Variants in TRDN observed in about 807,000 individuals in gnomAD.
The protein encoded by TRDN is triadin in skeletal muscle.
TRDN carries 161 observed loss-of-function variants against 149.7 expected under a neutral mutation model. The ratio of observed to expected loss-of-function variants is 1.08; its 90% CI spans 0.95 to 1.23. The LOEUF (loss-of-function observed/expected upper bound fraction) is 1.23, where lower values mean the gene tolerates loss of function less well. Ranked by LOEUF, TRDN falls within the 50% of genes most tolerant of loss-of-function variation. TRDN has a pLI of 0.00. For synonymous variants in TRDN, 294 were observed against 250.5 expected (o/e 1.17, Z -1.64); for missense variants, 896 against 823.5 (o/e 1.09, Z -1.08).
intron 1 of TRDN, among the ~76,000 whole-genome samples, chr6:123,607,940 C>T (rs564535478): frequency 6.9e-4 from 104 of 151,430 alleles, no homozygotes; most frequent in African/African-American, 2.4e-3. Flanking sequence ...TCTTCCACCT[C>T]GGCCTCCCAA....
At chr6:123,236,909 T>C (rs1345099311) in intron 38 of TRDN, among the ~76,000 whole-genome samples, 1 of 143,752 alleles carries the variant, frequency 7.0e-6, no homozygotes, top group African/African-American at 3.0e-5. Context: ...ATGTTTTAGC[T>C]ATTGTAAAAG....
chr6:123,347,692 G>A (rs1036846277), intron 21 of TRDN, among the ~76,000 whole-genome samples: 2 of 152,054 alleles, frequency 1.3e-5, no homozygotes, highest in African/African-American at 2.4e-5. Flanking sequence ...TGGGGGCAAT[G>A]TGGAAATGTC....
Position 123,484,010 on chromosome 6 carries a change from GT to G in TRDN, c.853+13182del, listed in dbSNP as rs373398100. Reference sequence around the variant, plus strand: ...AAAGTCATAGAATTGACTAAAAACTGTTGAGCAACGGGTTGAATAGTCTATA... The same window carrying G: ...AAAGTCATAGAATTGACTAAAAACTGTGAGCAACGGGTTGAATAGTCTATA... On this transcript the variant is annotated intron_variant, in intron 9 of 40. Coordinates refer to ENST00000334268, the MANE Select transcript of TRDN (RefSeq NM_006073.4). 6.3e-4 allele frequency among the ~76,000 whole-genome samples: 96 copies of G among 152,244 alleles called. 1 individual carries two copies. The South Asian group carries it at 0.02, about 32-fold the overall frequency.
intron 12 of TRDN, among the ~76,000 whole-genome samples, chr6:123,407,678 T>C (rs1358720405): frequency 6.6e-6 from 1 of 152,058 alleles, no homozygotes; most frequent in African/African-American, 2.4e-5. Flanking sequence ...AATAATGAAC[T>C]AAAGGAATAA....
In TRDN at chr6:123,533,059, A is replaced by G. The variant is rs373718285; in HGVS notation, c.425-2494T>C. ...GGTCCATAAAGCAAGTAAAATATCA[A>G]AGATTTAGACTGGTCTTTGGACGTA... On this transcript the variant is annotated intron_variant, in intron 4 of 40. Coordinates refer to ENST00000334268, the MANE Select transcript of TRDN (RefSeq NM_006073.4). Among the ~76,000 whole-genome samples the G allele has an allele frequency of 2.0e-5, 3 of 152,262 alleles. No individual in the cohort carries two copies. The South Asian group carries it at 6.2e-4, about 32-fold the overall frequency.
chr6:123,249,915 C>G (rs1776316548), intron 38 of TRDN, among the ~76,000 whole-genome samples: 1 of 152,108 alleles, frequency 6.6e-6, no homozygotes, highest in Non-Finnish European at 1.5e-5. Flanking sequence ...AACTATCCCA[C>G]TTTGCTGATG....
At chr6:123,277,093 A>G (rs1777393211) in intron 26 of TRDN, among the ~76,000 whole-genome samples, 1 of 152,148 alleles carries the variant, frequency 6.6e-6, no homozygotes, top group South Asian at 2.1e-4. Flanking sequence ...TGTCCATCCT[A>G]TACGTATCTC....
At chr6:123,302,219 T>C (rs1778454742) in intron 24 of TRDN, among the ~76,000 whole-genome samples, 1 of 151,986 alleles carries the variant, frequency 6.6e-6, no homozygotes, top group South Asian at 2.1e-4. Context: ...CCAAAGAGAC[T>C]CTGGTGACTG....
intron 21 of TRDN, among the ~76,000 whole-genome samples, chr6:123,340,320 TTAA>T (rs1183002684): frequency 6.6e-6 from 1 of 152,098 alleles, no homozygotes; most frequent in Non-Finnish European, 1.5e-5. Flanking sequence ...GCAGTAATTA[TTAA>T]TACCATTGAT....
intron 21 of TRDN, chr6:123,351,853 A>G: frequency 2.0e-6 from 2 of 983,880 alleles, no homozygotes; most frequent in Non-Finnish European, 2.4e-6. Context: ...AATTAAAATT[A>G]TTAGCACACT....
At chr6:123,414,147 T>G (rs1773552430) in intron 12 of TRDN, among the ~76,000 whole-genome samples, 1 of 149,740 alleles carries the variant, frequency 6.7e-6, no homozygotes, top group Non-Finnish European at 1.5e-5. Flanking sequence ...TTAATTTTGA[T>G]GAACCTATGC....
intron 5 of TRDN, among the ~76,000 whole-genome samples, chr6:123,517,029 T>C (rs1583176343): frequency 6.6e-6 from 1 of 152,162 alleles, no homozygotes; most frequent in South Asian, 2.1e-4. Flanking sequence ...AAGACTCTCC[T>C]CAACAAGATA....
At chr6:123,478,873 C>T (rs956750644) in intron 9 of TRDN, among the ~76,000 whole-genome samples, 3 of 152,132 alleles carry the variant, frequency 2.0e-5, no homozygotes, top group Non-Finnish European at 4.4e-5. Context: ...TCTCAGAGGA[C>T]CCAGTGTATG....
chr6:123,475,219 A>G (rs1382982965), intron 9 of TRDN, among the ~76,000 whole-genome samples: 1 of 149,984 alleles, frequency 6.7e-6, no homozygotes, highest in Non-Finnish European at 1.5e-5. Context: ...AAAATGATAA[A>G]GGGGATATCA....
At chr6:123,522,251 T>C (rs1779718121) in intron 5 of TRDN, among the ~76,000 whole-genome samples, 1 of 152,164 alleles carries the variant, frequency 6.6e-6, no homozygotes, top group South Asian at 2.1e-4. Flanking sequence ...AGGAGCCTTC[T>C]TGGAAAAAGT....
intron 39 of TRDN, 30 bp from the exon 40 acceptor site, chr6:123,221,552 A>T: frequency 6.9e-7 from 1 of 1,452,610 alleles, no homozygotes. Context: ...AAAGTAAATA[A>T]CTTGTACATT....
At chr6:123,285,391 C>T (rs1582821972) in intron 24 of TRDN, among the ~76,000 whole-genome samples, 1 of 152,022 alleles carries the variant, frequency 6.6e-6, no homozygotes, top group African/African-American at 2.4e-5. Context: ...AAGCCAAATA[C>T]TTACAGATTG....
At chr6:123,584,567 G>C (rs1289212717) in intron 1 of TRDN, among the ~76,000 whole-genome samples, 1 of 152,044 alleles carries the variant, frequency 6.6e-6, no homozygotes, top group Non-Finnish European at 1.5e-5. Flanking sequence ...AGCAGGGAAC[G>C]CACGTGTGTT....
chr6:123,276,456 C>A (rs1197663606), intron 26 of TRDN, among the ~76,000 whole-genome samples: 1 of 152,114 alleles, frequency 6.6e-6, no homozygotes. Flanking sequence ...AAACTGATTT[C>A]TCCTTGTTGT....
Sources: allele counts gnomAD v4.1 joint callset (sites outside exome capture counted in the v4.1 genomes callset), GRCh38; gene constraint gnomAD v4.1.1; transcripts MANE v1.5; gene names NCBI Gene and HGNC (gene_info 2026-07-23, HGNC 2026-07-21).